The following RNF213 variants were observed in gnomAD, a reference collection of about 807,000 sequenced individuals.
The protein encoded by RNF213 is ring finger protein 213.
RNF213 carries 341 observed loss-of-function variants against 514.4 expected under a neutral mutation model. That is an observed-to-expected ratio of 0.66 (90% CI 0.61 to 0.73). RNF213 has a LOEUF of 0.73. Among genes scored for constraint, RNF213 ranks in the 30% least tolerant of loss-of-function variants. The pLI is 0.00. For synonymous variants in RNF213, 2,655 were observed against 2,658.2 expected (o/e 1.00, Z 0.04); for missense variants, 5,767 against 6,615.6 (o/e 0.87, Z 4.45).
chr17:80,260,911 G>A lies in RNF213; in HGVS notation c.-109+9G>A, dbSNP rs926716659. ...GAGCTCGGGGGCCGCAGGTGCGAGC[G>A]GGCCTGGAGAGTCTCCCGGGGCGGG... On this transcript the variant is annotated intron_variant, in intron 1 of 67. Transcript: ENST00000582970. 2 of 151,274 alleles carry A rather than the reference G, an allele frequency of 1.3e-5. No homozygotes were observed. Among genetic ancestry groups the A allele is most frequent in the African/African-American group, 2.4e-5 (1 of 41,224 alleles). The allele number at this position is 151,274 out of a possible 1,614,324, so 9.4% of individuals were successfully genotyped here.
chr17:80,381,333 A>G (rs2079992650), intron 56 of RNF213: 2 of 636,776 alleles, frequency 3.1e-6, no homozygotes, highest in Non-Finnish European at 2.8e-6. Context: ...CAACAGTACA[A>G]TCTGGATATT....
chr17:80,285,546 C>T (rs188581750), intron 3 of RNF213, among the ~76,000 whole-genome samples: 4 of 152,338 alleles, frequency 2.6e-5, no homozygotes, highest in Non-Finnish European at 5.9e-5. Context: ...CCTCTTGCTT[C>T]CCCCTCTCAG....
rs900620053 is a variant in RNF213 at position 80,354,739 on chromosome 17, T to G, written c.10862+163T>G. The G allele has an allele frequency of 3.4e-6, 3 of 870,036 alleles. No individual in the cohort carries two copies. In the Admixed American group the frequency reaches 6.1e-5, roughly 18 times the overall value. The allele number at this position is 870,036 out of a possible 1,614,324, so 53.9% of individuals were successfully genotyped here. On this transcript the variant is annotated intron_variant, in intron 36 of 67. Transcript: ENST00000582970. The stretch of plus-strand genomic sequence containing the variant: ...AAGTTTTTCCCCAAGAAGCACACAG[T>G]AGGTCTGGACAGTGGCCAAATGGCA...
At position 80,372,566 on chromosome 17, in the gene RNF213, C is replaced by G. The variant is rs754752102; in HGVS notation, c.12583C>G (p.Leu4195Val). The change falls in exon 48 of 68, where the codon CTG (leucine) becomes GTG (valine). Residue 4195 changes from leucine to valine, a missense_variant. Transcript: ENST00000582970. ...CAGTGCTTACTCCAGAAATGATGAA[C>G]TGAACCACCTAGAAGAGGAAGGTCG... ...KTSAYSRNDE[L>V]NHLEEEGRFL... The G allele has an allele frequency of 6.2e-7, 1 of 1,614,022 alleles. No homozygotes were observed. Among genetic ancestry groups the G allele is most frequent in the South Asian group, 1.1e-5 (1 of 91,016 alleles).
At chr17:80,341,444 CATT>C (rs2078153103) in intron 26 of RNF213, 1 of 152,252 alleles carries the variant, frequency 6.6e-6, no homozygotes, top group South Asian at 2.1e-4. Flanking sequence ...TTGGGATAAA[CATT>C]ACTCTTCCCC....
intron 2 of RNF213, among the ~76,000 whole-genome samples, chr17:80,265,042 TTG>T (rs1491168658): frequency 9.4e-4 from 67 of 71,254 alleles, no homozygotes; most frequent in Non-Finnish European, 1.8e-3. Flanking sequence ...CCATGTTTGT[TTG>T]TTTTTTTTTT....
chr17:80,282,886 TG>T (rs1219838915), intron 3 of RNF213, among the ~76,000 whole-genome samples: 1 of 150,794 alleles, frequency 6.6e-6, no homozygotes, highest in Admixed American at 6.6e-5. Flanking sequence ...TTAGTAGAGA[TG>T]GGGTTTCCCC....
intron 32 of RNF213, chr17:80,352,493 C>A: frequency 2.0e-6 from 1 of 492,458 alleles, no homozygotes. Context: ...CTCTTTTTTT[C>A]CAAGGAATGG....
chr17:80,308,641 T>TCTTCTA (rs1477001107), intron 13 of RNF213, among the ~76,000 whole-genome samples: 2 of 152,330 alleles, frequency 1.3e-5, no homozygotes, highest in East Asian at 3.9e-4. Context: ...GGCTGCACGC[T>TCTTCTA]CTTCTACTAT....
rs577223820 is a variant in RNF213 at position 80,340,456 on chromosome 17, G to A, written c.5989+100G>A. 2.8e-5 allele frequency: 32 copies of A among 1,141,756 alleles called. No individual in the cohort carries two copies. The East Asian group carries it at 3.6e-4, about 13-fold the overall frequency. 70.7% of individuals were successfully genotyped at this position (1,141,756 alleles called of 1,614,324 possible). On this transcript the variant is annotated intron_variant, in intron 26 of 67. Transcript: ENST00000582970. ...AAGCCTGTCTGCAGGTGGAGAAACC[G>A]AGGCTCAGGGAGGGTGTGATTCATC...
intron 30 of RNF213, 99 bp downstream of exon 30, chr17:80,350,005 A>G: frequency 7.6e-7 from 1 of 1,312,238 alleles, no homozygotes; most frequent in Non-Finnish European, 1.1e-6. Flanking sequence ...TGAGCGCCAC[A>G]GTCACGTGAC....
At chr17:80,279,974 C>A (rs1206665731) in intron 3 of RNF213, among the ~76,000 whole-genome samples, 1 of 152,286 alleles carries the variant, frequency 6.6e-6, no homozygotes, top group South Asian at 2.1e-4. Context: ...GCACCGCGCT[C>A]CCCCCAGCCC....
intron 3 of RNF213, among the ~76,000 whole-genome samples, chr17:80,283,851 C>T (rs537264833): frequency 1.2e-4 from 18 of 152,154 alleles, no homozygotes; most frequent in Non-Finnish European, 2.5e-4. Flanking sequence ...GCTAGAGCAT[C>T]CATGACCTTG....
chr17:80,374,428 G>A, intron 49 of RNF213, 30 bp from the exon 50 acceptor site: 1 of 1,613,848 alleles, frequency 6.2e-7, no homozygotes, highest in Non-Finnish European at 8.5e-7. Context: ...TCCTCCCATT[G>A]TTCACCCCCA....
At position 80,373,096 on chromosome 17, in the gene RNF213, C is replaced by T. The variant is rs747033589; in HGVS notation, c.12873C>T (p.Phe4291=). Residue 4291 remains phenylalanine, a synonymous_variant, in exon 49 of 68, where the codon TTC becomes TTT. Transcript: ENST00000582970. ...RKLSSQRGME[F]VQGLSKPGRP... is the part of the protein sequence containing the mutation. ...TCAGCAGCCAGCGGGGGATGGAGTT[C>T]GTGCAGGGCCTCTCCAAGCCCGGCC... is the stretch of plus-strand genomic sequence containing the variant. The T allele has an allele frequency of 3.3e-5, 54 of 1,613,632 alleles. No homozygotes were observed. The Admixed American group carries it at 6.2e-4, about 18-fold the overall frequency.
rs1239777070 is a variant in RNF213, at chr17:80,260,861, G to A, written c.-150G>A. 1 of 149,234 alleles carries A rather than the reference G, an allele frequency of 6.7e-6. No homozygotes were observed. The highest frequency in any genetic ancestry group is 1.5e-5 in the Non-Finnish European group (1 of 66,928). 9.2% of individuals were successfully genotyped at this position (149,234 alleles called of 1,614,324 possible). ...CGGGGCCCAGGGCCCCGTGACCCGA[G>A]GGGCGACAGCGCGCGGCAGGCGGCG... On this transcript the variant is annotated 5_prime_UTR_variant, in exon 1 of 68. Transcript: ENST00000582970.
At chr17:80,349,465 C>T (rs2078425722) in intron 29 of RNF213, among the ~76,000 whole-genome samples, 2 of 152,100 alleles carry the variant, frequency 1.3e-5, no homozygotes, top group South Asian at 4.1e-4. Context: ...TGTGCTGAGC[C>T]CTAAGGGATC....
Position 80,377,092 on chromosome 17 carries a change from T to C in RNF213, c.13510+129T>C, listed in dbSNP as rs1390859124. The C allele has an allele frequency of 1.4e-6, 1 of 716,594 alleles. No individual in the cohort carries two copies. Among genetic ancestry groups the C allele is most frequent in the African/African-American group, 1.7e-5 (1 of 57,238 alleles). The allele number at this position is 716,594 out of a possible 1,614,324, so 44.4% of individuals were successfully genotyped here. On this transcript the variant is annotated intron_variant, in intron 53 of 67. Coordinates refer to ENST00000582970, the MANE Select transcript of RNF213 (RefSeq NM_001256071.3). The surrounding 1 kb of genome is among the most constrained non-coding windows in gnomAD (Gnocchi z 4.1). ...TCAGGGTCCAAAACCACCTGCATTCTACCGGTGGCGTCTGCAGAAGACGAA... is the reference window on the plus strand; with the variant it reads ...TCAGGGTCCAAAACCACCTGCATTCCACCGGTGGCGTCTGCAGAAGACGAA...
intron 42 of RNF213, among the ~76,000 whole-genome samples, chr17:80,365,855 G>A (rs2079248080): frequency 6.6e-6 from 1 of 152,214 alleles, no homozygotes; most frequent in Non-Finnish European, 1.5e-5. Flanking sequence ...AGGGCCAGGT[G>A]CCCATAAACC....
Sources: gnomAD v4.1 joint callset for allele counts (sites outside exome capture counted in the v4.1 genomes callset) on GRCh38, gnomAD v4.1.1 for gene constraint, Gnocchi (gnomAD v3.1) non-coding constraint, MANE v1.5 for transcripts, NCBI Gene and HGNC (gene_info 2026-07-23, HGNC 2026-07-21) for gene names.